The following SYT6 variants were observed in gnomAD, a reference collection of about 807,000 sequenced individuals.
The protein encoded by SYT6 is synaptotagmin 6.
In SYT6, 24 loss-of-function variants were observed where a neutral mutation model predicts 38.4. The observed-to-expected ratio is 0.62, with a 90% confidence interval of 0.45 to 0.88. The LOEUF is 0.88. Among genes scored for constraint, SYT6 ranks in the 40% least tolerant of loss-of-function variants. The probability of loss-of-function intolerance (pLI) is 0.00; values close to 1 mark genes in which losing one functional copy is unlikely to be tolerated. For missense variants in SYT6, 611 were observed against 621.0 expected (o/e 0.98, Z 0.17); for synonymous variants, 265 against 241.9 (o/e 1.10, Z -0.89).
At position 114,104,377 on chromosome 1, in the gene SYT6, C is replaced by T. The variant is rs74471544; in HGVS notation, c.1072-656G>A. 8.3e-4 allele frequency among the ~76,000 whole-genome samples: 127 copies of T among 152,322 alleles called. 1 individual carries two copies. In the East Asian group the frequency reaches 0.02, roughly 24 times the overall value. On this transcript the variant is annotated intron_variant, in intron 3 of 7. Coordinates refer to ENST00000610222, the MANE Select transcript of SYT6 (RefSeq NM_001253772.2). ...AAAAATAAACCCAGCACAGAGCACA[C>T]GCTCTGCTGCCTCTCCTAACCCCAG...
intron 4 of SYT6, among the ~76,000 whole-genome samples, chr1:114,100,073 C>A (rs1018423341): frequency 2.6e-5 from 4 of 152,098 alleles, no homozygotes. Context: ...TGCCTCCCAT[C>A]CTTTTGTTTT....
intron 3 of SYT6, among the ~76,000 whole-genome samples, chr1:114,112,600 A>T (rs519553): frequency 1.3e-5 from 2 of 152,076 alleles, no homozygotes; most frequent in Non-Finnish European, 2.9e-5. Context: ...GTTTGGAGAA[A>T]TTTTAGAAGA....
chr1:114,145,504 T>TGTTTG (rs1491020620), intron 1 of SYT6, among the ~76,000 whole-genome samples: 1 of 33,294 alleles, frequency 3.0e-5, no homozygotes, highest in African/African-American at 1.5e-4. Context: ...GGTATTAAGT[T>TGTTTG]TTTTTTTTTT....
intron 1 of SYT6, among the ~76,000 whole-genome samples, chr1:114,146,776 A>G (rs1174024968): frequency 6.6e-6 from 1 of 152,170 alleles, no homozygotes; most frequent in African/African-American, 2.4e-5. Context: ...TGGCCTCACT[A>G]ACAGTCTACC....
Position 114,099,152 on chromosome 1 carries a change from T to C in SYT6, c.1306A>G (p.Ile436Val), listed in dbSNP as rs1675819635. ...ACTTGATCCATGTTTTCCGGGGGAA[T>C]GTCAAAGATGATGGCCTCATTGTAG... Reference protein sequence around the residue: ...PVYNEAIIFDIPPENMDQVSL... With the variant: ...PVYNEAIIFDVPPENMDQVSL... Residue 436 changes from isoleucine to valine, a missense_variant, in exon 5 of 8, where the codon ATT (isoleucine) becomes GTT (valine). Ile to Val is a conservative substitution (Grantham distance 29, BLOSUM62 3). Coordinates refer to ENST00000610222, the MANE Select transcript of SYT6 (RefSeq NM_001253772.2). The C allele has an allele frequency of 6.2e-7, 1 of 1,614,024 alleles. No homozygotes were observed. The highest frequency in any genetic ancestry group is 8.5e-7 in the Non-Finnish European group (1 of 1,179,990).
chr1:114,107,257 C>CTGCT (rs1557737743), intron 3 of SYT6, among the ~76,000 whole-genome samples: 1 of 152,214 alleles, frequency 6.6e-6, no homozygotes, highest in African/African-American at 2.4e-5. Context: ...GCTCTATGAA[C>CTGCT]TGCTGTCAGG....
chr1:114,104,367 A>G (rs1676151294), intron 3 of SYT6, among the ~76,000 whole-genome samples: 1 of 152,204 alleles, frequency 6.6e-6, no homozygotes. Context: ...TAAACCCAGC[A>G]CAGAGCACAC....
chr1:114,116,635 G>A lies in SYT6; in HGVS notation c.1072-12914C>T, dbSNP rs187401378. On this transcript the variant is annotated intron_variant, in intron 3 of 7. Transcript: ENST00000610222. ...CATTCCCTTGGTGCGGGATATTTAAGGATCAGAGCAAAGCAACTCCCATCA... is the reference window on the plus strand; with the variant it reads ...CATTCCCTTGGTGCGGGATATTTAAAGATCAGAGCAAAGCAACTCCCATCA... 1.8e-3 allele frequency among the ~76,000 whole-genome samples: 279 copies of A among 152,250 alleles called. 1 individual carries two copies. Among genetic ancestry groups the A allele is most frequent in the African/African-American group, 6.5e-3 (268 of 41,544 alleles).
chr1:114,097,462 C>T lies in SYT6; in HGVS notation c.1515+265G>A, dbSNP rs117642231. Among the ~76,000 whole-genome samples, 14 of 152,360 alleles carry T rather than the reference C, an allele frequency of 9.2e-5. No individual in the cohort carries two copies. In the East Asian group the frequency reaches 2.5e-3, roughly 27 times the overall value. ...AGCATTTCAGACCTGGCACAGTGGT[C>T]TGCTGGGAAGTCTTCTTCACAGTTC... On this transcript the variant is annotated intron_variant, in intron 6 of 7. Coordinates refer to ENST00000610222, the MANE Select transcript of SYT6 (RefSeq NM_001253772.2).
intron 3 of SYT6, among the ~76,000 whole-genome samples, chr1:114,128,779 T>A (rs1677904401): frequency 6.6e-6 from 1 of 152,240 alleles, no homozygotes; most frequent in Non-Finnish European, 1.5e-5. Context: ...TTCCCTGCTG[T>A]TAGTCTCCTT....
At position 114,130,729 on chromosome 1, in the gene SYT6, T is replaced by A. The variant is rs114486771; in HGVS notation, c.1071+6766A>T. Among the ~76,000 whole-genome samples the A allele has an allele frequency of 9.3e-3, 1,424 of 152,336 alleles. 30 individuals are homozygous for A. Among genetic ancestry groups the A allele is most frequent in the African/African-American group, 0.033 (1,352 of 41,572 alleles). On this transcript the variant is annotated intron_variant, in intron 3 of 7. Transcript: ENST00000610222. Reference sequence around the variant, plus strand: ...GTTTGCCCCTTCAATACCCAGTTAGTTGTTCTAGGACCCAAGTATGTTCTT... The same window carrying A: ...GTTTGCCCCTTCAATACCCAGTTAGATGTTCTAGGACCCAAGTATGTTCTT...
chr1:114,131,486 G>A (rs1678149804), intron 3 of SYT6, among the ~76,000 whole-genome samples: 1 of 152,140 alleles, frequency 6.6e-6, no homozygotes, highest in Admixed American at 6.5e-5. Flanking sequence ...TAACACTTCT[G>A]CACATCTCTT....
At chr1:114,116,985 C>A (rs1677034299) in intron 3 of SYT6, among the ~76,000 whole-genome samples, 1 of 152,216 alleles carries the variant, frequency 6.6e-6, no homozygotes. Context: ...TTCATCTAGA[C>A]CCACGACTAA....
At chr1:114,141,436 A>G (rs916073392) in intron 1 of SYT6, among the ~76,000 whole-genome samples, 1 of 152,224 alleles carries the variant, frequency 6.6e-6, no homozygotes, top group African/African-American at 2.4e-5. Flanking sequence ...CTTTCATTCT[A>G]TGAAGACTGA....
intron 1 of SYT6, among the ~76,000 whole-genome samples, chr1:114,142,666 C>G (rs565867511): frequency 6.6e-6 from 1 of 152,226 alleles, no homozygotes; most frequent in East Asian, 1.9e-4. Flanking sequence ...AAGGAAAAGT[C>G]CATTGACGCA....
intron 1 of SYT6, among the ~76,000 whole-genome samples, chr1:114,148,226 C>T (rs1679256174): frequency 6.6e-6 from 1 of 152,190 alleles, no homozygotes; most frequent in South Asian, 2.1e-4. Flanking sequence ...CCCCTCTTCT[C>T]CACCCATAGT....
chr1:114,125,478 T>C (rs1365976754), intron 3 of SYT6, among the ~76,000 whole-genome samples: 2 of 152,060 alleles, frequency 1.3e-5, no homozygotes, highest in Non-Finnish European at 2.9e-5. Flanking sequence ...AGATATTAAA[T>C]ATTCATGGAG....
chr1:114,136,374 A>G (rs956138407), intron 3 of SYT6, among the ~76,000 whole-genome samples: 1 of 152,168 alleles, frequency 6.6e-6, no homozygotes, highest in Non-Finnish European at 1.5e-5. Context: ...TTGCCCCTCA[A>G]CCTGTTAGCA....
chr1:114,150,847 C>G (rs1679407331), intron 1 of SYT6, among the ~76,000 whole-genome samples: 1 of 152,158 alleles, frequency 6.6e-6, no homozygotes, highest in African/African-American at 2.4e-5. Context: ...AAGTCAGGGT[C>G]TGATTAACTG....
Sources: gnomAD v4.1 joint callset for allele counts (sites outside exome capture counted in the v4.1 genomes callset) on GRCh38, gnomAD v4.1.1 for gene constraint, MANE v1.5 for transcripts, NCBI Gene and HGNC (gene_info 2026-07-23, HGNC 2026-07-21) for gene names.